HTR4: variants seen among roughly 807,000 people sequenced by gnomAD.
The protein encoded by HTR4 is 5-hydroxytryptamine (serotonin) receptor 4, G protein-coupled.
Under a neutral mutation model 36.8 loss-of-function variants are expected in HTR4, and 16 were observed. The ratio of observed to expected loss-of-function variants is 0.43; its 90% confidence interval spans 0.29 to 0.66. The LOEUF (loss-of-function observed/expected upper bound fraction) is 0.66, where lower values mean the gene tolerates loss of function less well. HTR4 is among the 30% of genes least tolerant of loss of function. The probability of loss-of-function intolerance (pLI) is 0.13; values close to 1 mark genes in which losing one functional copy is unlikely to be tolerated. For missense variants in HTR4, 438 were observed against 490.9 expected (o/e 0.89, Z 1.02); for synonymous variants, 189 against 185.1 (o/e 1.02, Z -0.17).
intron 6 of HTR4, among the ~76,000 whole-genome samples, chr5:148,491,705 C>G (rs1314738019): frequency 6.6e-6 from 1 of 152,184 alleles, no homozygotes; most frequent in African/African-American, 2.4e-5. Context: ...TTTAAACCCA[C>G]ACAATCTCAG....
At chr5:148,631,014 T>C (rs998675429) in intron 2 of HTR4, among the ~76,000 whole-genome samples, 1 of 152,194 alleles carries the variant, frequency 6.6e-6, no homozygotes. Context: ...CACGTATATG[T>C]AGAAGATTAC....
intron 6 of HTR4, chr5:148,484,151 G>T: frequency 8.2e-7 from 1 of 1,212,982 alleles, no homozygotes; most frequent in Non-Finnish European, 1.1e-6. Context: ...CACATAGGAA[G>T]ATCAAATAAT....
chr5:148,525,186 G>A (rs1758208666), intron 4 of HTR4, among the ~76,000 whole-genome samples: 1 of 152,148 alleles, frequency 6.6e-6, no homozygotes, highest in African/African-American at 2.4e-5. Context: ...TGATTAGCTG[G>A]ATTCCCTCCA....
chr5:148,632,495 G>C (rs994117071), intron 2 of HTR4, among the ~76,000 whole-genome samples: 1 of 152,088 alleles, frequency 6.6e-6, no homozygotes, highest in Non-Finnish European at 1.5e-5. Flanking sequence ...AGAGCTCATG[G>C]GGCAGGGAGG....
chr5:148,654,502 C>G lies in HTR4; in HGVS notation c.-488G>C. The G allele has an allele frequency of 4.1e-6, 4 of 985,584 alleles. No homozygotes were observed. The highest frequency in any genetic ancestry group is 4.8e-6 in the Non-Finnish European group (4 of 830,034). The allele number at this position is 985,584 out of a possible 1,614,324, so 61.1% of individuals were successfully genotyped here. A position where few individuals can be genotyped will look rare whatever the true frequency, so the allele number is the denominator to read the frequency against. On this transcript the variant is annotated 5_prime_UTR_variant, in exon 1 of 7. Transcript: ENST00000377888. ...CGTTCCGGGCTGGCCAGCACGCGCCCTCCCTGGCCGGAGCGCTGCTCATCT... is the reference window on the plus strand; with the variant it reads ...CGTTCCGGGCTGGCCAGCACGCGCCGTCCCTGGCCGGAGCGCTGCTCATCT...
At chr5:148,456,714 C>T (rs762360349) in intron 5 of HTR4, among the ~76,000 whole-genome samples, 6 of 152,172 alleles carry the variant, frequency 3.9e-5, no homozygotes, top group South Asian at 2.1e-4. Flanking sequence ...TAAATAAATC[C>T]GGAATCATTA....
chr5:148,605,504 C>A (rs531568860), intron 2 of HTR4, among the ~76,000 whole-genome samples: 1 of 151,710 alleles, frequency 6.6e-6, no homozygotes, highest in African/African-American at 2.4e-5. Flanking sequence ...GTGATCCACC[C>A]GCCTCGGCCT....
rs10477389 is a variant in HTR4, at chr5:148,654,450, A to G, written c.-436T>C. 0.4 allele frequency: 396,996 copies of G among 985,044 alleles called. 80,339 individuals carry two copies. The highest frequency in any genetic ancestry group is 0.57 in the East Asian group (5,044 of 8,774). 61.0% of individuals were successfully genotyped at this position (985,044 alleles called of 1,614,324 possible). On this transcript the variant is annotated 5_prime_UTR_variant, in exon 1 of 7. Transcript: ENST00000377888. ...CGGCAGGGCGCACAGGGGAGTGGGCACAGAGGCGGGCTGGAGCGATCTCAC... is the reference window on the plus strand; with the variant it reads ...CGGCAGGGCGCACAGGGGAGTGGGCGCAGAGGCGGGCTGGAGCGATCTCAC...
intron 6 of HTR4, among the ~76,000 whole-genome samples, chr5:148,494,930 A>G (rs1383130495): frequency 6.6e-6 from 1 of 152,228 alleles, no homozygotes; most frequent in Non-Finnish European, 1.5e-5. Context: ...AAGTCAATGG[A>G]CAGCCTGTTT....
chr5:148,583,369 G>T (rs1761220917), intron 2 of HTR4, among the ~76,000 whole-genome samples: 1 of 151,694 alleles, frequency 6.6e-6, no homozygotes, highest in African/African-American at 2.4e-5. Context: ...CACTAGCATG[G>T]CACATGTATA....
At chr5:148,519,450 A>G (rs1304400313) in intron 5 of HTR4, among the ~76,000 whole-genome samples, 2 of 152,186 alleles carry the variant, frequency 1.3e-5, no homozygotes, top group Non-Finnish European at 2.9e-5. Flanking sequence ...CCATTGAGCA[A>G]AGGAAGAAAG....
At chr5:148,626,860 A>C (rs1450052655) in intron 2 of HTR4, among the ~76,000 whole-genome samples, 22 of 152,154 alleles carry the variant, frequency 1.4e-4, no homozygotes, top group Non-Finnish European at 1.5e-5. Flanking sequence ...CCCAACTGAG[A>C]TTCACACTAA....
At chr5:148,506,030 A>G (rs1184766275) in intron 6 of HTR4, among the ~76,000 whole-genome samples, 2 of 152,008 alleles carry the variant, frequency 1.3e-5, no homozygotes, top group East Asian at 1.9e-4. Flanking sequence ...CTACTTTAAA[A>G]TTCATATGGA....
intron 2 of HTR4, among the ~76,000 whole-genome samples, chr5:148,583,620 T>TCAC (rs1178164363): frequency 3.3e-5 from 5 of 150,372 alleles, no homozygotes; most frequent in Non-Finnish European, 5.9e-5. Context: ...GCCATCATCA[T>TCAC]CATCATCATC....
At chr5:148,531,964 G>A (rs1180610256) in intron 4 of HTR4, among the ~76,000 whole-genome samples, 1 of 152,148 alleles carries the variant, frequency 6.6e-6, no homozygotes, top group Non-Finnish European at 1.5e-5. Flanking sequence ...CCAGTGGGTA[G>A]AGGTCAGGAA....
At chr5:148,481,316 T>C (rs988511588), downstream of HTR4, among the ~76,000 whole-genome samples, 13 of 152,340 alleles carry the variant, frequency 8.5e-5, no homozygotes, top group African/African-American at 3.1e-4. Flanking sequence ...AGGGTGTAAG[T>C]TAGAATTTAA....
intron 2 of HTR4, among the ~76,000 whole-genome samples, chr5:148,562,314 G>A (rs1367203713): frequency 6.6e-6 from 1 of 152,140 alleles, no homozygotes; most frequent in Non-Finnish European, 1.5e-5. Flanking sequence ...AACCAGAGAT[G>A]TTTGGTCTAA....
intron 5 of HTR4, among the ~76,000 whole-genome samples, chr5:148,463,561 T>C (rs183402596): frequency 7.7e-4 from 117 of 152,250 alleles, no homozygotes; most frequent in Non-Finnish European, 1.5e-3. Flanking sequence ...AAAACTCTGA[T>C]GAAAAATATC....
At chr5:148,636,240 A>C (rs80057197) in intron 2 of HTR4, among the ~76,000 whole-genome samples, 3,266 of 152,264 alleles carry the variant, frequency 0.021, 42 homozygotes, top group Middle Eastern at 0.044. Context: ...TATACCTGAA[A>C]TATACTTTTC....
Sources: gnomAD v4.1 joint callset for allele counts (sites outside exome capture counted in the v4.1 genomes callset) on GRCh38, gnomAD v4.1.1 for gene constraint, MANE v1.5 for transcripts, NCBI Gene and HGNC (gene_info 2026-07-23, HGNC 2026-07-21) for gene names.